Variants in ERC2 observed in about 807,000 individuals in gnomAD.
ERC2 encodes ERC protein 2.
ERC2 carries 42 observed loss-of-function variants against 114.8 expected under a neutral mutation model. That is an observed-to-expected ratio of 0.37 (90% CI 0.29 to 0.47). The LOEUF (loss-of-function observed/expected upper bound fraction) is 0.47, where lower values mean the gene tolerates loss of function less well. Among genes scored for constraint, ERC2 ranks in the 20% least tolerant of loss-of-function variants. The pLI is 0.99. For missense variants in ERC2, 939 were observed against 1,150.7 expected (o/e 0.82, Z 2.66); for synonymous variants, 454 against 425.5 (o/e 1.07, Z -0.82).
chr3:56,299,214 G>A (rs1197602388), intron 2 of ERC2, among the ~76,000 whole-genome samples: 11 of 144,088 alleles, frequency 7.6e-5, no homozygotes, highest in Non-Finnish European at 1.0e-4. Flanking sequence ...TGCAAGCTCC[G>A]CCTCCCGGGT....
intron 11 of ERC2, among the ~76,000 whole-genome samples, chr3:55,990,064 A>G (rs1447287151): frequency 6.6e-6 from 1 of 152,076 alleles, no homozygotes; most frequent in Non-Finnish European, 1.5e-5. Flanking sequence ...CTTTCCTGTG[A>G]TCTCATGTCA....
chr3:55,671,876 G>A (rs1311396174), intron 17 of ERC2, among the ~76,000 whole-genome samples: 3 of 152,170 alleles, frequency 2.0e-5, no homozygotes, highest in African/African-American at 7.2e-5. Flanking sequence ...GAGAAGAAAA[G>A]GGGCTGTGAG....
rs115684205 is a variant in ERC2 at position 56,355,968 on chromosome 3, A to T, written c.658-59533T>A. 2.4e-3 allele frequency among the ~76,000 whole-genome samples: 367 copies of T among 152,262 alleles called. 2 individuals are homozygous for T. The highest frequency in any genetic ancestry group is 8.6e-3 in the African/African-American group (357 of 41,546). On this transcript the variant is annotated intron_variant, in intron 2 of 17. Coordinates refer to ENST00000288221, the MANE Select transcript of ERC2 (RefSeq NM_015576.3). ...CTCAGGAGAATCTTGATTACACCCA[A>T]TTAGTGAGACCATATACAGAAGCCC... is the stretch of plus-strand genomic sequence containing the variant.
intron 17 of ERC2, among the ~76,000 whole-genome samples, chr3:55,662,285 T>C (rs545459618): frequency 6.1e-4 from 93 of 152,384 alleles, no homozygotes; most frequent in African/African-American, 2.1e-3. Context: ...TTTACTGCAG[T>C]CTTGTTTGTG....
At position 55,619,569 on chromosome 3, in the gene ERC2, G is replaced by A. The variant is rs992635158; in HGVS notation, c.*39+64225C>T. 4.6e-5 allele frequency among the ~76,000 whole-genome samples: 7 copies of A among 152,238 alleles called. No homozygotes were observed. In the East Asian group the frequency reaches 5.8e-4, roughly 13 times the overall value. On this transcript the variant is annotated intron_variant, in intron 17 of 17. Coordinates refer to ENST00000288221, the MANE Select transcript of ERC2 (RefSeq NM_015576.3). ...TAAGGGTATGAAAGTGCAGTGAAAC[G>A]TACGATAATAATAAAACCAAAACTG...
At chr3:55,524,944 A>G (rs1161888179) in intron 17 of ERC2, among the ~76,000 whole-genome samples, 1 of 152,208 alleles carries the variant, frequency 6.6e-6, no homozygotes, top group Admixed American at 6.5e-5. Context: ...ATGGAGCTGA[A>G]AACTCAAAAG....
chr3:55,900,274 T>C (rs564822695), intron 13 of ERC2, among the ~76,000 whole-genome samples: 21 of 152,336 alleles, frequency 1.4e-4, no homozygotes, highest in Non-Finnish European at 2.8e-4. Context: ...TTCTTTCTTA[T>C]TTTGTTTGGT....
chr3:56,049,381 G>A (rs1376098205), intron 7 of ERC2, among the ~76,000 whole-genome samples: 1 of 152,138 alleles, frequency 6.6e-6, no homozygotes, highest in Non-Finnish European at 1.5e-5. Context: ...CCCATGCAAT[G>A]GATTATTACT....
intron 12 of ERC2, chr3:55,955,172 A>C (rs1391406808): frequency 3.9e-6 from 2 of 516,386 alleles, no homozygotes; most frequent in Non-Finnish European, 7.7e-6. Context: ...GTCTATAAAA[A>C]CAGTGGTCAT....
At chr3:55,978,865 A>G (rs1314726880) in intron 12 of ERC2, among the ~76,000 whole-genome samples, 1 of 152,206 alleles carries the variant, frequency 6.6e-6, no homozygotes, top group East Asian at 1.9e-4. Flanking sequence ...TAAACTAATA[A>G]TAGGTCTGTG....
Position 56,434,344 on chromosome 3 carries a change from G to T in ERC2, c.657+7C>A. On this transcript the variant is annotated splice_region_variant and intron_variant, in intron 2 of 17. Coordinates refer to ENST00000288221, the MANE Select transcript of ERC2 (RefSeq NM_015576.3). ...GCTGAAAAATACTGAGATGAGTCATGACCTACCTGATTTTCTTCATGGGAA... is the reference window on the plus strand; with the variant it reads ...GCTGAAAAATACTGAGATGAGTCATTACCTACCTGATTTTCTTCATGGGAA... The T allele has an allele frequency of 6.2e-7, 1 of 1,611,840 alleles. No individual in the cohort carries two copies. The highest frequency in any genetic ancestry group is 1.1e-5 in the South Asian group (1 of 90,934).
At chr3:56,294,755 A>C (rs1186560128) in intron 3 of ERC2, among the ~76,000 whole-genome samples, 1 of 152,242 alleles carries the variant, frequency 6.6e-6, no homozygotes, top group Non-Finnish European at 1.5e-5. Flanking sequence ...TCCAAGGAGT[A>C]GGGATTATTG....
chr3:55,817,800 C>T (rs1222899833), intron 14 of ERC2, among the ~76,000 whole-genome samples: 3 of 152,194 alleles, frequency 2.0e-5, no homozygotes, highest in Admixed American at 2.0e-4. Context: ...GTAAAGAGCT[C>T]TGAACAATAT....
intron 2 of ERC2, among the ~76,000 whole-genome samples, chr3:56,330,978 G>A (rs1389104413): frequency 2.0e-5 from 3 of 152,148 alleles, no homozygotes; most frequent in Admixed American, 6.5e-5. Context: ...CTTGCCCAAT[G>A]TCTCAACATC....
chr3:55,690,019 G>C (rs2062556982), intron 16 of ERC2, among the ~76,000 whole-genome samples: 1 of 152,130 alleles, frequency 6.6e-6, no homozygotes, highest in Non-Finnish European at 1.5e-5. Context: ...TTACACTAAA[G>C]CTGAAGGCAA....
intron 14 of ERC2, among the ~76,000 whole-genome samples, chr3:55,831,692 G>C (rs773627495): frequency 4.6e-5 from 7 of 152,122 alleles, no homozygotes; most frequent in Admixed American, 1.3e-4. Flanking sequence ...ACAGAAGATG[G>C]GTGATTTCTG....
At chr3:56,315,050 C>T (rs911027822) in intron 2 of ERC2, among the ~76,000 whole-genome samples, 1 of 152,204 alleles carries the variant, frequency 6.6e-6, no homozygotes, top group African/African-American at 2.4e-5. Flanking sequence ...CCTTCCACCA[C>T]ATGCCACTGA....
At chr3:55,741,763 A>T (rs1176910671) in intron 14 of ERC2, among the ~76,000 whole-genome samples, 2 of 152,206 alleles carry the variant, frequency 1.3e-5, no homozygotes, top group Non-Finnish European at 2.9e-5. Context: ...AAGGAAGCCC[A>T]CATATACTAG....
At chr3:56,426,117 C>T (rs1406895962) in intron 2 of ERC2, among the ~76,000 whole-genome samples, 3 of 152,206 alleles carry the variant, frequency 2.0e-5, no homozygotes, top group Admixed American at 6.5e-5. Flanking sequence ...TCCCAGATTT[C>T]CACTTGGGTT....
Sources: gnomAD v4.1 joint callset for allele counts (sites outside exome capture counted in the v4.1 genomes callset) on GRCh38, gnomAD v4.1.1 for gene constraint, MANE v1.5 for transcripts, NCBI Gene and HGNC (gene_info 2026-07-23, HGNC 2026-07-21) for gene names.